The following CNTN5 variants were observed in gnomAD, a reference collection of about 807,000 sequenced individuals.
CNTN5 encodes the protein contactin 5, also known as contactin-5.
CNTN5 carries 77 observed loss-of-function variants against 129.1 expected under a neutral mutation model. The ratio of observed to expected loss-of-function variants is 0.60; its 90% confidence interval spans 0.50 to 0.72. The LOEUF (loss-of-function observed/expected upper bound fraction) is 0.72. Ranked by LOEUF, CNTN5 falls within the 30% of genes least tolerant of loss-of-function variation. CNTN5 has a pLI of 0.00. For missense variants in CNTN5, 1,478 were observed against 1,328.8 expected (o/e 1.11, Z -1.75); for synonymous variants, 509 against 465.6 (o/e 1.09, Z -1.20).
At chr11:99,961,224 A>AAC (rs1950938606) in intron 8 of CNTN5, among the ~76,000 whole-genome samples, 1 of 151,572 alleles carries the variant, frequency 6.6e-6, no homozygotes. Flanking sequence ...AAAAAAAAAA[A>AAC]ACAGTAGAAT....
At chr11:99,724,684 T>C (rs1340705591) in intron 3 of CNTN5, among the ~76,000 whole-genome samples, 1 of 152,196 alleles carries the variant, frequency 6.6e-6, no homozygotes, top group Non-Finnish European at 1.5e-5. Flanking sequence ...TAAGAGATAC[T>C]ACCTTTTAGT....
At chr11:99,416,467 T>C (rs552919950) in intron 2 of CNTN5, among the ~76,000 whole-genome samples, 86 of 152,080 alleles carry the variant, frequency 5.7e-4, no homozygotes, top group African/African-American at 2.0e-3. Flanking sequence ...ATTTTCATGT[T>C]GGTGAGATGG....
At chr11:100,154,470 C>T (rs181795071) in intron 13 of CNTN5, among the ~76,000 whole-genome samples, 2 of 152,178 alleles carry the variant, frequency 1.3e-5, no homozygotes, top group East Asian at 3.9e-4. Flanking sequence ...GTGAACAGTG[C>T]CACAATAAAC....
At chr11:100,043,444 G>T (rs927657819) in intron 9 of CNTN5, among the ~76,000 whole-genome samples, 2 of 152,032 alleles carry the variant, frequency 1.3e-5, no homozygotes, top group Non-Finnish European at 2.9e-5. Context: ...AAATTTAGGA[G>T]ACTTAAGGAC....
chr11:100,208,782 T>G (rs1948964473), intron 15 of CNTN5, among the ~76,000 whole-genome samples: 1 of 152,196 alleles, frequency 6.6e-6, no homozygotes, highest in African/African-American at 2.4e-5. Context: ...CAAAACAAAC[T>G]GCCCAAAATG....
intron 2 of CNTN5, among the ~76,000 whole-genome samples, chr11:99,401,476 G>A (rs1324505758): frequency 6.6e-6 from 1 of 152,006 alleles, no homozygotes; most frequent in Admixed American, 6.6e-5. Context: ...ATGTTATTTT[G>A]GTTACTATAC....
intron 3 of CNTN5, among the ~76,000 whole-genome samples, chr11:99,800,482 C>T (rs536803710): frequency 6.6e-6 from 1 of 152,162 alleles, no homozygotes; most frequent in Non-Finnish European, 1.5e-5. Flanking sequence ...ACTGTTAGGT[C>T]TGGGATTTCT....
chr11:100,193,857 G>A (rs1948564987), intron 15 of CNTN5, among the ~76,000 whole-genome samples, 194 bp downstream of exon 15: 1 of 151,594 alleles, frequency 6.6e-6, no homozygotes, highest in East Asian at 1.9e-4. Context: ...AAAACCCCCA[G>A]TAAAAAACTG....
At chr11:100,140,492 G>A (rs547587080) in intron 13 of CNTN5, among the ~76,000 whole-genome samples, 1 of 152,150 alleles carries the variant, frequency 6.6e-6, no homozygotes, top group Non-Finnish European at 1.5e-5. Context: ...TGAGATTAAA[G>A]GCTTGTTGGA....
At chr11:99,594,405 A>C (rs1950065691) in intron 3 of CNTN5, among the ~76,000 whole-genome samples, 1 of 152,142 alleles carries the variant, frequency 6.6e-6, no homozygotes, top group South Asian at 2.1e-4. Context: ...CAAAGCTTGC[A>C]CTCAGAAGGT....
At chr11:100,284,439 T>A (rs1185825226) in intron 18 of CNTN5, among the ~76,000 whole-genome samples, 1 of 152,222 alleles carries the variant, frequency 6.6e-6, no homozygotes, top group Admixed American at 6.5e-5. Flanking sequence ...TGAAATCTGT[T>A]AATATCATCA....
chr11:99,631,878 A>T (rs1007128631), intron 3 of CNTN5, among the ~76,000 whole-genome samples: 3 of 152,196 alleles, frequency 2.0e-5, no homozygotes, highest in African/African-American at 7.2e-5. Context: ...ATACAATACA[A>T]GTAGGTATTT....
At chr11:100,095,556 G>C (rs1944979855) in intron 13 of CNTN5, among the ~76,000 whole-genome samples, 1 of 152,044 alleles carries the variant, frequency 6.6e-6, no homozygotes, top group Admixed American at 6.6e-5. Flanking sequence ...ATTGTGTATA[G>C]TTAGTTACCA....
intron 3 of CNTN5, among the ~76,000 whole-genome samples, chr11:99,745,045 G>A (rs1338736736): frequency 6.6e-6 from 1 of 152,124 alleles, no homozygotes; most frequent in Non-Finnish European, 1.5e-5. Context: ...CAGAAGGTGG[G>A]AAAAAAGCAC....
intron 3 of CNTN5, among the ~76,000 whole-genome samples, chr11:99,589,557 T>C (rs1949912570): frequency 6.6e-6 from 1 of 152,220 alleles, no homozygotes; most frequent in Non-Finnish European, 1.5e-5. Flanking sequence ...GGGAATATGT[T>C]TTCTATAGTG....
intron 2 of CNTN5, among the ~76,000 whole-genome samples, chr11:99,428,117 G>C (rs2089169): frequency 6.6e-6 from 1 of 152,076 alleles, no homozygotes; most frequent in Admixed American, 6.5e-5. Flanking sequence ...TGTTCTCATA[G>C]AAAATTATTT....
intron 3 of CNTN5, among the ~76,000 whole-genome samples, chr11:99,587,232 A>T (rs963253488): frequency 6.6e-6 from 1 of 152,196 alleles, no homozygotes; most frequent in Non-Finnish European, 1.5e-5. Context: ...GAAGCTGCCT[A>T]CTCTATACTG....
intron 7 of CNTN5, among the ~76,000 whole-genome samples, chr11:99,947,563 G>T (rs1044338290): frequency 7.9e-5 from 12 of 152,024 alleles, no homozygotes; most frequent in Non-Finnish European, 1.5e-4. Context: ...AAATTACATT[G>T]AATATAAGAA....
chr11:99,463,988 T>A (rs1944837565), intron 2 of CNTN5, among the ~76,000 whole-genome samples: 1 of 152,236 alleles, frequency 6.6e-6, no homozygotes, highest in South Asian at 2.1e-4. Flanking sequence ...TACCCTATAC[T>A]GCAAAATTAT....
Sources: allele counts gnomAD v4.1 joint callset (sites outside exome capture counted in the v4.1 genomes callset), GRCh38; gene constraint gnomAD v4.1.1; transcripts MANE v1.5; gene names NCBI Gene and HGNC (gene_info 2026-07-23, HGNC 2026-07-21).